FIG4: variants seen among roughly 807,000 people sequenced by gnomAD.
FIG4 encodes polyphosphoinositide phosphatase.
A neutral mutation model predicts 118.6 loss-of-function variants in FIG4; 112 were observed. The ratio of observed to expected loss-of-function variants is 0.94; its 90% CI spans 0.81 to 1.11. The LOEUF is 1.11. FIG4 is among the 50% of genes least tolerant of loss of function. The pLI is 0.00. For synonymous variants in FIG4, 369 were observed against 381.2 expected (o/e 0.97, Z 0.37); for missense variants, 969 against 1,111.7 (o/e 0.87, Z 1.83).
At chr6:109,819,769 A>G (rs754839873) in intron 22 of FIG4, among the ~76,000 whole-genome samples, 9 of 152,098 alleles carry the variant, frequency 5.9e-5, no homozygotes, top group Non-Finnish European at 1.2e-4. Context: ...ATGGCCATGT[A>G]ATTGTTAACA....
chr6:109,786,194 C>A (rs1777950522), intron 17 of FIG4, 108 bp from the exon 18 acceptor site: 3 of 944,706 alleles, frequency 3.2e-6, no homozygotes, highest in Admixed American at 1.9e-5. Flanking sequence ...AGGGCTGTAT[C>A]CCCCACAGAG....
intron 9 of FIG4, 188 bp downstream of exon 9, chr6:109,743,460 A>C (rs1021358568): frequency 4.5e-6 from 3 of 666,444 alleles, no homozygotes; most frequent in Admixed American, 2.8e-5. Context: ...CTGTTAAATA[A>C]ATTATTTTTA....
chr6:109,757,369 A>G (rs1025125652), intron 10 of FIG4, among the ~76,000 whole-genome samples: 5 of 152,240 alleles, frequency 3.3e-5, no homozygotes, highest in African/African-American at 9.6e-5. Flanking sequence ...CAAAAACTAC[A>G]TGATTATCTC....
At chr6:109,785,716 G>A (rs1295809167) in intron 17 of FIG4, 1 of 470,390 alleles carries the variant, frequency 2.1e-6, no homozygotes, top group Non-Finnish European at 4.4e-6. Flanking sequence ...TCCAATTGAG[G>A]ACTCCATCTA....
intron 21 of FIG4, among the ~76,000 whole-genome samples, chr6:109,795,828 C>T (rs1277341075): frequency 5.3e-5 from 8 of 152,020 alleles, no homozygotes; most frequent in Non-Finnish European, 1.2e-4. Flanking sequence ...GTCTCGATCT[C>T]CTGACCTCAT....
chr6:109,783,467 CTT>C (rs1414188134), intron 16 of FIG4, among the ~76,000 whole-genome samples: 1 of 152,166 alleles, frequency 6.6e-6, no homozygotes, highest in African/African-American at 2.4e-5. Flanking sequence ...ACAGTTCCCT[CTT>C]GTGTTTTTTC....
At chr6:109,734,442 GTA>G (rs1776101898) in intron 5 of FIG4, among the ~76,000 whole-genome samples, 1 of 149,546 alleles carries the variant, frequency 6.7e-6, no homozygotes, top group Non-Finnish European at 1.5e-5. Context: ...TTTATATAGA[GTA>G]TGCATATATA....
intron 6 of FIG4, among the ~76,000 whole-genome samples, chr6:109,735,624 G>A (rs892439519): frequency 1.3e-5 from 2 of 151,940 alleles, no homozygotes; most frequent in African/African-American, 4.8e-5. Context: ...TTTAATATTA[G>A]GTAATACACA....
intron 22 of FIG4, among the ~76,000 whole-genome samples, chr6:109,808,960 A>T (rs1038321651): frequency 6.6e-6 from 1 of 152,230 alleles, no homozygotes; most frequent in Non-Finnish European, 1.5e-5. Flanking sequence ...CCAAATGATC[A>T]ATATATGCTG....
chr6:109,722,091 G>T (rs1341275878), intron 3 of FIG4, among the ~76,000 whole-genome samples: 7 of 151,278 alleles, frequency 4.6e-5, no homozygotes, highest in Non-Finnish European at 1.0e-4. Flanking sequence ...CTTCTGAAAT[G>T]CTTACTTTTG....
At chr6:109,795,094 A>ATTTTTTTTTTTT (rs1562688787) in intron 21 of FIG4, among the ~76,000 whole-genome samples, 1 of 77,190 alleles carries the variant, frequency 1.3e-5, no homozygotes, top group African/African-American at 3.9e-5. Flanking sequence ...TACACTTGCC[A>ATTTTTTTTTTTT]GTTTTTTTTT....
chr6:109,821,610 G>C (rs1779007561), intron 22 of FIG4, among the ~76,000 whole-genome samples: 1 of 152,192 alleles, frequency 6.6e-6, no homozygotes, highest in South Asian at 2.1e-4. Context: ...TGGGTTACTG[G>C]ATCTAGGCAT....
intron 10 of FIG4, among the ~76,000 whole-genome samples, chr6:109,749,045 C>T (rs1408243720): frequency 7.1e-6 from 1 of 140,124 alleles, no homozygotes; most frequent in African/African-American, 2.7e-5. Context: ...TGCATGGGCT[C>T]AAAGGAGCTC....
intron 22 of FIG4, among the ~76,000 whole-genome samples, chr6:109,815,865 G>C (rs371826213): frequency 2.0e-5 from 3 of 151,768 alleles, no homozygotes; most frequent in African/African-American, 4.8e-5. Context: ...TAGATTATGG[G>C]GGGGGGCACT....
intron 1 of FIG4, among the ~76,000 whole-genome samples, chr6:109,701,383 T>G (rs140170555): frequency 6.6e-6 from 1 of 152,310 alleles, no homozygotes; most frequent in East Asian, 1.9e-4. Flanking sequence ...CAACCTGAAG[T>G]TATCCTGGGT....
chr6:109,759,802 C>A (rs1777044821), intron 10 of FIG4, among the ~76,000 whole-genome samples: 1 of 152,210 alleles, frequency 6.6e-6, no homozygotes, highest in African/African-American at 2.4e-5. Context: ...TTATGAAGTC[C>A]TGTGAAGGCT....
chr6:109,727,888 T>G (rs2128384218), intron 4 of FIG4, among the ~76,000 whole-genome samples: 1 of 152,222 alleles, frequency 6.6e-6, no homozygotes, highest in African/African-American at 2.4e-5. Flanking sequence ...AATGTAAAAG[T>G]CATCAAAGAC....
rs564441311 is a variant in FIG4 at position 109,788,868 on chromosome 6, G to A, written c.2097-726G>A. Reference sequence around the variant, plus strand: ...CCATCAGAAATCCTGGAACTGTTGCGTTTTTGGCATCTACTGTGGAATCTG... The same window carrying A: ...CCATCAGAAATCCTGGAACTGTTGCATTTTTGGCATCTACTGTGGAATCTG... On this transcript the variant is annotated intron_variant, in intron 18 of 22. Coordinates refer to ENST00000230124, the MANE Select transcript of FIG4 (RefSeq NM_014845.6). Among the ~76,000 whole-genome samples, 21 of 152,320 alleles carry A rather than the reference G, an allele frequency of 1.4e-4. 1 individual carries two copies. The highest frequency in any genetic ancestry group is 2.5e-4 in the Non-Finnish European group (17 of 68,036).
At chr6:109,763,440 C>T (rs1281001929) in intron 12 of FIG4, among the ~76,000 whole-genome samples, 2 of 152,146 alleles carry the variant, frequency 1.3e-5, no homozygotes, top group Non-Finnish European at 2.9e-5. Context: ...ATTCATTGCA[C>T]ATGGAGAAAA....
Sources: allele counts gnomAD v4.1 joint callset (sites outside exome capture counted in the v4.1 genomes callset), GRCh38; gene constraint gnomAD v4.1.1; transcripts MANE v1.5; gene names NCBI Gene and HGNC (gene_info 2026-07-23, HGNC 2026-07-21).